Variants in NTRK3 observed in about 807,000 individuals in gnomAD.
The protein encoded by NTRK3 is neurotrophic receptor tyrosine kinase 3, also known as NT-3 growth factor receptor.
Under a neutral mutation model 91.7 loss-of-function variants are expected in NTRK3, and 24 were observed. The ratio of observed to expected loss-of-function variants is 0.26; its 90% CI spans 0.19 to 0.37. The LOEUF (loss-of-function observed/expected upper bound fraction) is 0.37. Among genes scored for constraint, NTRK3 ranks in the 10% least tolerant of loss-of-function variants. The pLI is 1.00. For synonymous variants in NTRK3, 483 were observed against 404.0 expected, an observed-to-expected ratio of 1.20 and a Z score of -2.34; for missense variants, 880 against 1,068.9, an observed-to-expected ratio of 0.82 and a Z score of 2.46.
chr15:87,934,268 C>T (rs1022954670), intron 15 of NTRK3, among the ~76,000 whole-genome samples: 2 of 152,150 alleles, frequency 1.3e-5, no homozygotes, highest in African/African-American at 2.4e-5. Flanking sequence ...GCAAATGGGG[C>T]CCAACATTGA....
exon 19 of NTRK3, chr15:87,870,537 C>A (rs554846397): frequency 4.8e-6 from 1 of 207,620 alleles, no homozygotes; most frequent in South Asian, 1.9e-4. Flanking sequence ...AAAGAACTTA[C>A]TCATGTAACC....
chr15:88,068,409 C>A (rs916264559), intron 13 of NTRK3, among the ~76,000 whole-genome samples: 1 of 151,902 alleles, frequency 6.6e-6, no homozygotes, highest in African/African-American at 2.4e-5. Flanking sequence ...CCAGCCTGGG[C>A]GAGAGAGGGA....
At chr15:88,216,890 C>T (rs2049822837) in intron 3 of NTRK3, among the ~76,000 whole-genome samples, 1 of 152,164 alleles carries the variant, frequency 6.6e-6, no homozygotes, top group Non-Finnish European at 1.5e-5. Context: ...CTGCAAGTCC[C>T]ATTAGGATAA....
intron 14 of NTRK3, among the ~76,000 whole-genome samples, chr15:87,997,053 C>T (rs1053907759): frequency 6.6e-6 from 1 of 152,112 alleles, no homozygotes; most frequent in Non-Finnish European, 1.5e-5. Context: ...GCAGTGTAGT[C>T]AAGGGGAATG....
At chr15:87,874,445 C>G in exon 19 of NTRK3, 1 of 231,330 alleles carries the variant, frequency 4.3e-6, no homozygotes, top group Non-Finnish European at 8.6e-6. Context: ...CACCTTCTTT[C>G]ATTAGGCCAT....
chr15:88,232,510 A>G (rs1001930502), intron 3 of NTRK3, among the ~76,000 whole-genome samples: 2 of 152,154 alleles, frequency 1.3e-5, no homozygotes, highest in African/African-American at 4.8e-5. Context: ...TTGATTCAAT[A>G]ATTATATTCC....
intron 5 of NTRK3, among the ~76,000 whole-genome samples, chr15:88,151,277 C>G (rs1464466085): frequency 6.6e-6 from 1 of 152,158 alleles, no homozygotes; most frequent in Non-Finnish European, 1.5e-5. Context: ...AACTGGCCCT[C>G]TCACAGACCA....
chr15:87,997,842 G>A lies in NTRK3; in HGVS notation c.1585+35015C>T, dbSNP rs1351605797. ...CAAAGCTCACACCATCCCACACAAC[G>A]TGTGCAAATAGCTGTAGAATGAGAA... On this transcript the variant is annotated intron_variant, in intron 14 of 18. Transcript: ENST00000394480. Among the ~76,000 whole-genome samples the A allele has an allele frequency of 2.6e-5, 4 of 152,078 alleles. No homozygotes were observed. The East Asian group carries it at 5.8e-4, about 22-fold the overall frequency.
At chr15:88,002,686 T>A (rs1432942386) in intron 14 of NTRK3, among the ~76,000 whole-genome samples, 4 of 109,318 alleles carry the variant, frequency 3.7e-5, no homozygotes, top group Admixed American at 9.1e-5. Flanking sequence ...CATGAGAAGC[T>A]ATGCAAAAAA....
At chr15:87,880,193 A>G (rs2141463915) in intron 18 of NTRK3, 77 bp downstream of exon 19, 1 of 1,581,304 alleles carries the variant, frequency 6.3e-7, no homozygotes, top group Non-Finnish European at 8.7e-7. Context: ...TGTCTTGTTC[A>G]GTAGGTCCAA....
intron 3 of NTRK3, chr15:88,205,933 T>C (rs1007551868): frequency 1.3e-5 from 2 of 152,336 alleles, no homozygotes; most frequent in Non-Finnish European, 2.9e-5. Flanking sequence ...GACAGCTTAA[T>C]GAAGAGGGGT....
intron 15 of NTRK3, among the ~76,000 whole-genome samples, chr15:87,939,436 T>C (rs2069597866): frequency 6.6e-6 from 1 of 152,216 alleles, no homozygotes; most frequent in African/African-American, 2.4e-5. Flanking sequence ...TTATCAGTGG[T>C]AGAACTGGGA....
chr15:88,053,889 G>T (rs1295015230), intron 13 of NTRK3, among the ~76,000 whole-genome samples: 1 of 152,140 alleles, frequency 6.6e-6, no homozygotes, highest in Non-Finnish European at 1.5e-5. Flanking sequence ...TTGGCAATTT[G>T]CCTCAAGTTC....
At chr15:88,165,777 T>C (rs1470027204) in intron 5 of NTRK3, among the ~76,000 whole-genome samples, 1 of 152,222 alleles carries the variant, frequency 6.6e-6, no homozygotes, top group Non-Finnish European at 1.5e-5. Context: ...AAGCTGGTAG[T>C]GTTATCACAG....
At chr15:88,197,672 G>C (rs750061643) in intron 3 of NTRK3, among the ~76,000 whole-genome samples, 1 of 152,152 alleles carries the variant, frequency 6.6e-6, no homozygotes. Flanking sequence ...GAGGAAAGGG[G>C]GTTGCTAATG....
chr15:88,144,317 C>T (rs1341802493), intron 6 of NTRK3, among the ~76,000 whole-genome samples: 2 of 152,218 alleles, frequency 1.3e-5, no homozygotes, highest in African/African-American at 2.4e-5. Flanking sequence ...ATAAGAGGTA[C>T]GCCCCCCTGG....
intron 5 of NTRK3, among the ~76,000 whole-genome samples, chr15:88,179,841 T>C (rs972082626): frequency 6.6e-6 from 1 of 152,130 alleles, no homozygotes; most frequent in African/African-American, 2.4e-5. Context: ...AGCAAGGGGA[T>C]AAAAGAGGAG....
At chr15:88,101,868 G>C (rs1315423986) in intron 13 of NTRK3, among the ~76,000 whole-genome samples, 1 of 152,120 alleles carries the variant, frequency 6.6e-6, no homozygotes, top group Admixed American at 6.5e-5. Flanking sequence ...GACTGTTGTG[G>C]GGTGGGGGGA....
At chr15:88,008,731 A>G (rs2076664181) in intron 14 of NTRK3, among the ~76,000 whole-genome samples, 2 of 152,116 alleles carry the variant, frequency 1.3e-5, no homozygotes, top group South Asian at 4.2e-4. Context: ...TTCATATTAA[A>G]CAGACGCTAC....
Sources: allele counts gnomAD v4.1 joint callset (sites outside exome capture counted in the v4.1 genomes callset), GRCh38; gene constraint gnomAD v4.1.1; transcripts MANE v1.5; gene names NCBI Gene and HGNC (gene_info 2026-07-23, HGNC 2026-07-21).